The following PDSS2 variants were observed in gnomAD, a reference collection of about 807,000 sequenced individuals.
The protein encoded by PDSS2 is decaprenyl diphosphate synthase subunit 2, also known as all trans-polyprenyl-diphosphate synthase PDSS2.
A neutral mutation model predicts 44.5 loss-of-function variants in PDSS2; 31 were observed. The ratio of observed to expected loss-of-function variants is 0.70; its 90% CI spans 0.52 to 0.94. PDSS2 has a LOEUF of 0.94. Ranked by LOEUF, PDSS2 falls within the 40% of genes least tolerant of loss-of-function variation. The pLI, the probability that PDSS2 is intolerant of heterozygous loss-of-function variation, is 0.00. For synonymous variants in PDSS2, 157 were observed against 180.3 expected, an observed-to-expected ratio of 0.87 and a Z score of 1.03; for missense variants, 452 against 482.2, an observed-to-expected ratio of 0.94 and a Z score of 0.59.
chr6:107,370,960 A>G (rs957554136), intron 1 of PDSS2, among the ~76,000 whole-genome samples: 1 of 152,178 alleles, frequency 6.6e-6, no homozygotes, highest in Admixed American at 6.5e-5. Flanking sequence ...TGAGGCGGGC[A>G]GATCACGAGG....
At chr6:107,325,813 C>T (rs1285102645) in intron 2 of PDSS2, among the ~76,000 whole-genome samples, 1 of 152,120 alleles carries the variant, frequency 6.6e-6, no homozygotes, top group Non-Finnish European at 1.5e-5. Flanking sequence ...GGCTTTTGGT[C>T]ATGTATGTTG....
chr6:107,283,517 T>C (rs1268572536), intron 2 of PDSS2, among the ~76,000 whole-genome samples: 1 of 151,666 alleles, frequency 6.6e-6, no homozygotes, highest in East Asian at 2.0e-4. Context: ...GGTTGGGAGT[T>C]CGACACCAGC....
rs550665450 is a variant in PDSS2 at position 107,441,534 on chromosome 6, G to A, written c.296+17456C>T. On this transcript the variant is annotated intron_variant, in intron 1 of 7. Coordinates refer to ENST00000369037, the MANE Select transcript of PDSS2 (RefSeq NM_020381.4). ...TTAGCCCACAGGTTGAAGAATGTAA[G>A]AATTAGGTCACAAAATTAGAAGACT... is the stretch of plus-strand genomic sequence containing the variant. Among the ~76,000 whole-genome samples, 4 of 152,314 alleles carry A rather than the reference G, an allele frequency of 2.6e-5. 1 individual carries two copies. The East Asian group carries it at 7.7e-4, about 29-fold the overall frequency.
At position 107,344,214 on chromosome 6, in the gene PDSS2, A is replaced by G. The variant is rs571285324; in HGVS notation, c.297-9882T>C. Among the ~76,000 whole-genome samples the G allele has an allele frequency of 6.6e-5, 10 of 152,314 alleles. No individual in the cohort carries two copies. In the South Asian group the frequency reaches 2.1e-3, roughly 32 times the overall value. The stretch of plus-strand genomic sequence containing the variant: ...GTTAAAAACATAAATATAATTAGCA[A>G]TTTGATGACAGCAATATTACTCAGT... On this transcript the variant is annotated intron_variant, in intron 1 of 7. Coordinates refer to ENST00000369037, the MANE Select transcript of PDSS2 (RefSeq NM_020381.4).
intron 2 of PDSS2, among the ~76,000 whole-genome samples, chr6:107,328,555 T>C (rs987146311): frequency 6.6e-6 from 1 of 152,136 alleles, no homozygotes; most frequent in Admixed American, 6.5e-5. Flanking sequence ...GGTTTACAGG[T>C]GTGAGCCACC....
At chr6:107,382,960 T>C (rs1248459598) in intron 1 of PDSS2, among the ~76,000 whole-genome samples, 1 of 151,810 alleles carries the variant, frequency 6.6e-6, no homozygotes, top group Non-Finnish European at 1.5e-5. Flanking sequence ...GGTAGCCACA[T>C]GCAAAAAAAT....
intron 2 of PDSS2, among the ~76,000 whole-genome samples, chr6:107,313,622 G>C (rs747405324): frequency 6.6e-6 from 1 of 152,154 alleles, no homozygotes; most frequent in East Asian, 1.9e-4. Flanking sequence ...CAAAGTGCCA[G>C]AGATTACAGG....
intron 1 of PDSS2, among the ~76,000 whole-genome samples, chr6:107,437,623 C>G (rs925365168): frequency 1.3e-5 from 2 of 151,534 alleles, no homozygotes; most frequent in Non-Finnish European, 2.9e-5. Context: ...TACCAAAATC[C>G]ATGCATACTC....
Position 107,170,631 on chromosome 6 carries a change from TC to T in PDSS2, c.1042-15855del, listed in dbSNP as rs1488778284. ...ACCCCCCCCCCCCCACTTTTTTTTT[TC>T]TGAGACAGCCTCACTCTGACACCCA... On this transcript the variant is annotated intron_variant, in intron 7 of 7. Transcript: ENST00000369037. 2.7e-3 allele frequency among the ~76,000 whole-genome samples: 384 copies of T among 144,080 alleles called. 2 individuals are homozygous for T. Among genetic ancestry groups the T allele is most frequent in the African/African-American group, 9.3e-3 (354 of 38,132 alleles). 94.5% of individuals were successfully genotyped at this position (144,080 alleles called of 152,430 possible).
At position 107,225,164 on chromosome 6, in the gene PDSS2, T is replaced by TATATATATATA. The variant is rs1289535741; in HGVS notation, c.703-12883_703-12882insTATATATATAT. ...ATATATATATATATATATATATATT[T>TATATATATATA]TTTTTTTTTTTTTTTTTTTTTTTTT... On this transcript the variant is annotated intron_variant, in intron 4 of 7. Transcript: ENST00000369037. Among the ~76,000 whole-genome samples the TATATATATATA allele has an allele frequency of 4.1e-3, 176 of 42,882 alleles. 9 individuals are homozygous for TATATATATATA. Among genetic ancestry groups the TATATATATATA allele is most frequent in the African/African-American group, 0.022 (168 of 7,740 alleles). The allele number at this position is 42,882 out of a possible 152,430, so 28.1% of individuals were successfully genotyped here.
intron 1 of PDSS2, among the ~76,000 whole-genome samples, chr6:107,431,139 A>C (rs1781181725): frequency 6.6e-6 from 1 of 152,234 alleles, no homozygotes. Flanking sequence ...AACTTGCTCA[A>C]ATAGCAGGTA....
intron 1 of PDSS2, among the ~76,000 whole-genome samples, chr6:107,435,949 G>GAA (rs11458153): frequency 6.9e-4 from 104 of 150,970 alleles, no homozygotes; most frequent in African/African-American, 1.4e-3. Context: ...CAAAAATTGC[G>GAA]AAAAAAAAAT....
At chr6:107,334,639 T>TA (rs1403404926) in intron 1 of PDSS2, among the ~76,000 whole-genome samples, 1 of 149,246 alleles carries the variant, frequency 6.7e-6, no homozygotes, top group Non-Finnish European at 1.5e-5. Flanking sequence ...CTCCCGGTCC[T>TA]AAGCGATCCT....
At chr6:107,200,245 A>ATGTT (rs1358439524) in intron 6 of PDSS2, among the ~76,000 whole-genome samples, 3 of 152,210 alleles carry the variant, frequency 2.0e-5, no homozygotes, top group Non-Finnish European at 4.4e-5. Context: ...GAAGATGGAT[A>ATGTT]TGTTGGGAGC....
At chr6:107,215,368 G>C (rs560759373) in intron 4 of PDSS2, among the ~76,000 whole-genome samples, 11 of 152,248 alleles carry the variant, frequency 7.2e-5, no homozygotes, top group African/African-American at 2.6e-4. Context: ...GTCCAGCCTG[G>C]ATGACGCAGT....
chr6:107,257,673 G>T (rs1340906344), intron 3 of PDSS2, among the ~76,000 whole-genome samples: 1 of 151,876 alleles, frequency 6.6e-6, no homozygotes, highest in African/African-American at 2.4e-5. Flanking sequence ...AGGCTGGAGT[G>T]CAGTGGTGCA....
At chr6:107,300,983 C>T (rs1776674897) in intron 2 of PDSS2, among the ~76,000 whole-genome samples, 1 of 152,092 alleles carries the variant, frequency 6.6e-6, no homozygotes, top group Non-Finnish European at 1.5e-5. Flanking sequence ...TTTAATCTTC[C>T]CGCACCACTT....
At chr6:107,317,727 C>T (rs938985129) in intron 2 of PDSS2, among the ~76,000 whole-genome samples, 2 of 152,160 alleles carry the variant, frequency 1.3e-5, no homozygotes, top group African/African-American at 4.8e-5. Context: ...ATGCAGATCA[C>T]CTTTTACCGT....
chr6:107,212,593 T>A (rs1773258682), intron 4 of PDSS2, among the ~76,000 whole-genome samples: 1 of 152,208 alleles, frequency 6.6e-6, no homozygotes, highest in Non-Finnish European at 1.5e-5. Context: ...CTAACTCCCT[T>A]CTATAGTCAA....
Sources: gnomAD v4.1 joint callset for allele counts (sites outside exome capture counted in the v4.1 genomes callset) on GRCh38, gnomAD v4.1.1 for gene constraint, MANE v1.5 for transcripts, NCBI Gene and HGNC (gene_info 2026-07-23, HGNC 2026-07-21) for gene names.